MREG: variants seen among roughly 807,000 people sequenced by gnomAD.
MREG encodes the protein dilute suppressor protein homolog.
Under a neutral mutation model 28.5 loss-of-function variants are expected in MREG, and 31 were observed. That is an observed-to-expected ratio of 1.09 (90% CI 0.82 to 1.47). The LOEUF is 1.47. Ranked by LOEUF, MREG falls within the 40% of genes most tolerant of loss-of-function variation. MREG has a pLI of 0.00. For synonymous variants in MREG, 106 were observed against 95.2 expected (o/e 1.11, Z -0.66); for missense variants, 256 against 257.4 (o/e 0.99, Z 0.04).
At chr2:215,985,592 T>C (rs1693547052) in intron 2 of MREG, among the ~76,000 whole-genome samples, 1 of 152,116 alleles carries the variant, frequency 6.6e-6, no homozygotes, top group Non-Finnish European at 1.5e-5. Flanking sequence ...TTTGCTCTTC[T>C]ATATATATTT....
chr2:216,021,959 C>T (rs1381753803), intron 1 of MREG, among the ~76,000 whole-genome samples: 3 of 152,148 alleles, frequency 2.0e-5, no homozygotes, highest in East Asian at 1.9e-4. Context: ...AGTACTTGGC[C>T]GGCTGTGGTG....
intron 2 of MREG, among the ~76,000 whole-genome samples, chr2:215,982,628 G>A (rs908915536): frequency 1.3e-5 from 2 of 152,190 alleles, no homozygotes; most frequent in Middle Eastern, 3.4e-3. Flanking sequence ...GTGTCTACTC[G>A]AGGCAGGAAG....
In MREG at chr2:216,022,482, GTTAA is replaced by G. The variant is rs1205306189; in HGVS notation, c.-68+10303_-68+10306del. On this transcript the variant is annotated intron_variant, in intron 1 of 3. Transcript: ENST00000420348. ...ATGTTGTCATCTCTAGTCTCCCATA[GTTAA>G]TTATACTGCTACGTCTAACAATATT... Among the ~76,000 whole-genome samples the G allele has an allele frequency of 2.6e-5, 4 of 152,102 alleles. No homozygotes were observed. In the East Asian group the frequency reaches 5.8e-4, roughly 22 times the overall value.
chr2:216,018,061 G>A (rs1378197222), upstream of MREG, among the ~76,000 whole-genome samples: 1 of 152,024 alleles, frequency 6.6e-6, no homozygotes, highest in Non-Finnish European at 1.5e-5. Context: ...TACTCGGGAG[G>A]CTGAGGCAGG....
At chr2:215,999,682 T>C (rs974407225) in intron 1 of MREG, among the ~76,000 whole-genome samples, 1 of 151,674 alleles carries the variant, frequency 6.6e-6, no homozygotes, top group Non-Finnish European at 1.5e-5. Flanking sequence ...GCAGTGAGAG[T>C]GGAAATGAGG....
chr2:215,959,081 G>A (rs560204765), intron 2 of MREG, among the ~76,000 whole-genome samples: 16 of 152,124 alleles, frequency 1.1e-4, no homozygotes, highest in African/African-American at 3.9e-4. Flanking sequence ...TCTTCCCTCT[G>A]CTGGTTCCTC....
At chr2:215,972,758 T>C (rs1693139234) in intron 2 of MREG, among the ~76,000 whole-genome samples, 1 of 152,202 alleles carries the variant, frequency 6.6e-6, no homozygotes, top group African/African-American at 2.4e-5. Context: ...TGTATGTCCA[T>C]TATACCTCAA....
downstream of MREG, among the ~76,000 whole-genome samples, chr2:215,941,920 C>G (rs180780846): frequency 6.6e-6 from 1 of 152,112 alleles, no homozygotes; most frequent in African/African-American, 2.4e-5. Context: ...CTTCCATGTC[C>G]ATTGCTGTCA....
chr2:215,986,353 A>C lies in MREG; in HGVS notation c.255+9953T>G, dbSNP rs141409033. ...GTGGGTTCACATTCTCAACATGGCAAGCAGCTATCTAGAGCTTAACAGCTG... is the reference window on the plus strand; with the variant it reads ...GTGGGTTCACATTCTCAACATGGCACGCAGCTATCTAGAGCTTAACAGCTG... On this transcript the variant is annotated intron_variant, in intron 2 of 4. Transcript: ENST00000263268. 7.1e-3 allele frequency among the ~76,000 whole-genome samples: 1,089 copies of C among 152,328 alleles called. 15 individuals are homozygous for C. The highest frequency in any genetic ancestry group is 0.023 in the African/African-American group (970 of 41,562).
chr2:216,004,141 C>T (rs565625756), intron 1 of MREG, among the ~76,000 whole-genome samples: 49 of 152,258 alleles, frequency 3.2e-4, no homozygotes, highest in Non-Finnish European at 6.6e-4. Context: ...TGATCTCCAT[C>T]TACCTAGAAT....
At chr2:216,016,708 G>A (rs943267977), upstream of MREG, among the ~76,000 whole-genome samples, 9 of 152,116 alleles carry the variant, frequency 5.9e-5, no homozygotes, top group Admixed American at 1.3e-4. Context: ...ATATAGGCCC[G>A]TTTGGGGAAA....
chr2:216,010,354 C>CTTTTTTTTTTTTTTTTT (rs1164326774), intron 1 of MREG, among the ~76,000 whole-genome samples: 1 of 94,370 alleles, frequency 1.1e-5, no homozygotes, highest in Non-Finnish European at 2.0e-5. Context: ...AAAGATTTCT[C>CTTTTTTTTTTTTTTTTT]TTTTTTTTTT....
chr2:215,955,994 T>C (rs1692618084), intron 2 of MREG, among the ~76,000 whole-genome samples: 1 of 152,068 alleles, frequency 6.6e-6, no homozygotes, highest in Non-Finnish European at 1.5e-5. Context: ...AGTGACTCGA[T>C]GAAGTCAAAG....
At chr2:215,962,878 G>T (rs539700744) in intron 2 of MREG, among the ~76,000 whole-genome samples, 1 of 152,228 alleles carries the variant, frequency 6.6e-6, no homozygotes, top group Non-Finnish European at 1.5e-5. Context: ...GCTCACGCTT[G>T]TAATCCCAGC....
intron 2 of MREG, among the ~76,000 whole-genome samples, chr2:215,950,049 A>G (rs1489673093): frequency 1.3e-5 from 2 of 152,254 alleles, no homozygotes; most frequent in African/African-American, 2.4e-5. Flanking sequence ...GACTTCATGA[A>G]AAGTGACCAG....
At chr2:216,009,772 G>A (rs1208615039) in intron 1 of MREG, among the ~76,000 whole-genome samples, 1 of 152,122 alleles carries the variant, frequency 6.6e-6, no homozygotes, top group Non-Finnish European at 1.5e-5. Flanking sequence ...CTGACCTCAG[G>A]TGATTCGCCT....
chr2:215,950,868 C>T (rs1031375926), intron 2 of MREG, among the ~76,000 whole-genome samples: 14 of 152,080 alleles, frequency 9.2e-5, no homozygotes, highest in African/African-American at 3.4e-4. Context: ...GAAGGAGGGG[C>T]CTGGTGGGAG....
intron 2 of MREG, among the ~76,000 whole-genome samples, chr2:215,969,093 A>G (rs2105988000): frequency 6.6e-6 from 1 of 152,302 alleles, no homozygotes; most frequent in African/African-American, 2.4e-5. Context: ...TATTCTTCCC[A>G]GACATCAGAT....
chr2:215,963,444 AAAAAAAAAAAAC>A (rs869167924), intron 2 of MREG, among the ~76,000 whole-genome samples: 1,088 of 8,490 alleles, frequency 0.13, 10 homozygotes, highest in Admixed American at 0.29. Flanking sequence ...TCAAAAAAAA[AAAAAAAAAAAAC>A]AAAAAAACAG....
Sources: allele counts gnomAD v4.1 joint callset (sites outside exome capture counted in the v4.1 genomes callset), GRCh38; gene constraint gnomAD v4.1.1; transcripts MANE v1.5; gene names NCBI Gene and HGNC (gene_info 2026-07-23, HGNC 2026-07-21).